CETN3: variants seen among roughly 807,000 people sequenced by gnomAD.
CETN3 encodes the protein centrin 3.
A neutral mutation model predicts 20.1 loss-of-function variants in CETN3; 17 were observed. The observed-to-expected ratio is 0.85, with a 90% confidence interval of 0.58 to 1.27. The LOEUF (loss-of-function observed/expected upper bound fraction) is 1.27, where lower values mean the gene tolerates loss of function less well. Ranked by LOEUF, CETN3 falls within the 50% of genes most tolerant of loss-of-function variation. CETN3 has a pLI of 0.00. For missense variants in CETN3, 169 were observed against 191.2 expected (o/e 0.88, Z 0.69); for synonymous variants, 52 against 59.7 (o/e 0.87, Z 0.59).
intron 1 of CETN3, 33 bp downstream of exon 1, chr5:90,409,612 T>C (rs892428728): frequency 6.2e-7 from 1 of 1,613,438 alleles, no homozygotes; most frequent in Non-Finnish European, 8.5e-7. Context: ...CGCTCCGGGG[T>C]GTGGAGAGCA....
chr5:90,406,645 T>C (rs866722816), intron 2 of CETN3, among the ~76,000 whole-genome samples: 1 of 151,472 alleles, frequency 6.6e-6, no homozygotes, highest in African/African-American at 2.4e-5. Flanking sequence ...TGAGGAGTTA[T>C]GGTTTATGAG....
chr5:90,407,805 CTCTT>C lies in CETN3; in HGVS notation c.43_46del (p.Lys15GlyfsTer30), dbSNP rs1462344595. 1 of 1,592,214 alleles carries C rather than the reference CTCTT, an allele frequency of 6.3e-7. No homozygotes were observed. The highest frequency in any genetic ancestry group is 8.6e-7 in the Non-Finnish European group (1 of 1,169,184). Reference sequence around the variant, plus strand: ...CTCAGACAGTTCTCTTCTTTTTTTCCTCTTTGTTTTGTCCACTACAAGCTCACTT... The same window carrying C: ...CTCAGACAGTTCTCTTCTTTTTTTCCTGTTTTGTCCACTACAAGCTCACTT... On this transcript the variant is annotated frameshift_variant, in exon 2 of 5. Coordinates refer to ENST00000283122, the MANE Select transcript of CETN3 (RefSeq NM_004365.4). LOFTEE classifies it high-confidence loss of function.
intron 4 of CETN3, among the ~76,000 whole-genome samples, chr5:90,398,715 C>A (rs957456643): frequency 6.6e-6 from 1 of 152,150 alleles, no homozygotes; most frequent in Admixed American, 6.5e-5. Context: ...TCTGTAGGCA[C>A]TGAAGAATCG....
intron 2 of CETN3, among the ~76,000 whole-genome samples, chr5:90,406,793 G>A (rs1201058738): frequency 2.3e-5 from 3 of 127,692 alleles, no homozygotes; most frequent in Non-Finnish European, 4.8e-5. Flanking sequence ...ATAGTCAATG[G>A]TTACAAATGG....
Position 90,405,796 on chromosome 5 carries a change from C to A in CETN3, c.157G>T (p.Ala53Ser), listed in dbSNP as rs770719780. 9 of 1,596,914 alleles carry A rather than the reference C, an allele frequency of 5.6e-6. No individual in the cohort carries two copies. In the South Asian group the frequency reaches 9.1e-5, roughly 16 times the overall value. ...EAIDYHELKV[A>S]MRALGFDVKK... ...ACATCAAACCCCAAGGCTCTCATTG[C>A]CACCTTTTGGATTAAAAAGGAAAAG... is the stretch of plus-strand genomic sequence containing the variant. Residue 53 changes from alanine (A) to serine (S), a missense_variant, in exon 3 of 5, where the codon GCA becomes TCA. Ala to Ser is a moderately conservative substitution (Grantham distance 99). Coordinates refer to ENST00000283122, the MANE Select transcript of CETN3 (RefSeq NM_004365.4).
intron 3 of CETN3, among the ~76,000 whole-genome samples, chr5:90,400,006 CA>C (rs1749241375): frequency 6.6e-6 from 1 of 152,174 alleles, no homozygotes; most frequent in African/African-American, 2.4e-5. Flanking sequence ...GATTCTTCCT[CA>C]AATTTAATCC....
intron 4 of CETN3, among the ~76,000 whole-genome samples, chr5:90,397,780 G>C (rs1339808629): frequency 6.6e-6 from 1 of 152,040 alleles, no homozygotes; most frequent in Non-Finnish European, 1.5e-5. Context: ...TATTAGCTTT[G>C]TGATAACCTG....
At chr5:90,395,376 A>G (rs1749115020) in intron 4 of CETN3, among the ~76,000 whole-genome samples, 1 of 152,210 alleles carries the variant, frequency 6.6e-6, no homozygotes, top group Non-Finnish European at 1.5e-5. Flanking sequence ...TAGCTTTATG[A>G]AAGATATATC....
chr5:90,409,271 C>A (rs1009751416), intron 1 of CETN3, among the ~76,000 whole-genome samples: 1 of 152,130 alleles, frequency 6.6e-6, no homozygotes, highest in African/African-American at 2.4e-5. Context: ...AGCAGCGGAG[C>A]AGCCGAGGTG....
chr5:90,408,500 G>C (rs889097502), intron 1 of CETN3, among the ~76,000 whole-genome samples: 1 of 152,084 alleles, frequency 6.6e-6, no homozygotes, highest in African/African-American at 2.4e-5. Flanking sequence ...CAATGTTTGT[G>C]CTTCATTCTA....
At chr5:90,409,560 GC>G (rs769313690) in intron 1 of CETN3, 84 bp downstream of exon 1, 488 of 1,518,718 alleles carry the variant, frequency 3.2e-4, no homozygotes, top group Non-Finnish European at 4.4e-4. Context: ...CCTCGCCTCG[GC>G]CCCAAACGTC....
At position 90,409,706 on chromosome 5, in the gene CETN3, C is replaced by G; in HGVS notation, c.-45G>C. ...GTTCCTCTCAAGAACGATTTTAACC[C>G]CCTACCCAAGGCAGCAAGACGCCCA... is the stretch of plus-strand genomic sequence containing the variant. On this transcript the variant is annotated 5_prime_UTR_variant, in exon 1 of 5. Coordinates refer to ENST00000283122, the MANE Select transcript of CETN3 (RefSeq NM_004365.4). The G allele has an allele frequency of 6.2e-7, 1 of 1,613,848 alleles. No individual in the cohort carries two copies. The highest frequency in any genetic ancestry group is 1.1e-5 in the South Asian group (1 of 91,076).
At position 90,409,696 on chromosome 5, in the gene CETN3, G is replaced by A; in HGVS notation, c.-35C>T. 3.7e-6 allele frequency: 6 copies of A among 1,613,956 alleles called. No individual in the cohort carries two copies. The highest frequency in any genetic ancestry group is 5.1e-6 in the Non-Finnish European group (6 of 1,179,946). On this transcript the variant is annotated 5_prime_UTR_variant, in exon 1 of 5. Coordinates refer to ENST00000283122, the MANE Select transcript of CETN3 (RefSeq NM_004365.4). The stretch of plus-strand genomic sequence containing the variant: ...GCACAGAGACGTTCCTCTCAAGAAC[G>A]ATTTTAACCCCCTACCCAAGGCAGC...
chr5:90,406,452 C>G (rs1580164944), intron 2 of CETN3, among the ~76,000 whole-genome samples: 2 of 151,430 alleles, frequency 1.3e-5, no homozygotes, highest in African/African-American at 4.8e-5. Context: ...CAGTTTACCT[C>G]ACCTGAATTA....
intron 3 of CETN3, among the ~76,000 whole-genome samples, chr5:90,404,551 T>C (rs907689326): frequency 3.3e-5 from 5 of 152,230 alleles, no homozygotes; most frequent in Non-Finnish European, 5.9e-5. Flanking sequence ...AATGGACAAG[T>C]TGCCTCTCTA....
rs149781520 is a variant in CETN3 at position 90,404,152 on chromosome 5, C to G, written c.268+1533G>C. Among the ~76,000 whole-genome samples, 226 of 152,238 alleles carry G rather than the reference C, an allele frequency of 1.5e-3. 1 individual carries two copies. The highest frequency in any genetic ancestry group is 5.2e-3 in the African/African-American group (215 of 41,542). On this transcript the variant is annotated intron_variant, in intron 3 of 4. Coordinates refer to ENST00000283122, the MANE Select transcript of CETN3 (RefSeq NM_004365.4). ...GCTAGGCCCTTTTCTAGGTACTTCA[C>G]ATATCATTAACTTAATCCTTAGAAG... is the stretch of plus-strand genomic sequence containing the variant.
At position 90,407,785 on chromosome 5, in the gene CETN3, A is replaced by G. The variant is rs763280810; in HGVS notation, c.67T>C (p.Ser23Pro). Residue 23 changes from serine to proline, a missense_variant, in exon 2 of 5, where the codon TCT becomes CCT. Transcript: ENST00000283122. ...KTKRKKRRELSEEQKQEIKDA... is the reference protein window; with the variant it reads ...KTKRKKRRELPEEQKQEIKDA... Reference sequence around the variant, plus strand: ...TTAATTTCTTGTTTCTGTTCCTCAGACAGTTCTCTTCTTTTTTTCCTCTTT... The same window carrying G: ...TTAATTTCTTGTTTCTGTTCCTCAGGCAGTTCTCTTCTTTTTTTCCTCTTT... 9 of 1,602,908 alleles carry G rather than the reference A, an allele frequency of 5.6e-6. No individual in the cohort carries two copies. Among genetic ancestry groups the G allele is most frequent in the Non-Finnish European group, 7.7e-6 (9 of 1,174,134 alleles).
chr5:90,407,280 A>T (rs970485764), intron 2 of CETN3, among the ~76,000 whole-genome samples: 1 of 152,156 alleles, frequency 6.6e-6, no homozygotes, highest in Non-Finnish European at 1.5e-5. Flanking sequence ...AAGTGGATTG[A>T]GACTATGTTA....
intron 4 of CETN3, 84 bp from the exon 5 acceptor site, chr5:90,394,191 A>G (rs1222500394): frequency 3.4e-6 from 3 of 894,552 alleles, no homozygotes; most frequent in Middle Eastern, 2.3e-4. Context: ...TACACTAAGT[A>G]TTTAAAAAAT....
Sources: gnomAD v4.1 joint callset for allele counts (sites outside exome capture counted in the v4.1 genomes callset) on GRCh38, gnomAD v4.1.1 for gene constraint, MANE v1.5 for transcripts, NCBI Gene and HGNC (gene_info 2026-07-23, HGNC 2026-07-21) for gene names.